Variants in PCSK6 observed in about 807,000 individuals in gnomAD.
PCSK6 encodes paired basic amino acid cleaving enzyme 4.
In PCSK6, 85 loss-of-function variants were observed where a neutral mutation model predicts 123.3. The observed-to-expected ratio is 0.69, with a 90% confidence interval of 0.58 to 0.83. The LOEUF (loss-of-function observed/expected upper bound fraction) is 0.83, where lower values mean the gene tolerates loss of function less well. PCSK6 is among the 40% of genes least tolerant of loss of function. The probability of loss-of-function intolerance (pLI) is 0.00; values close to 1 mark genes in which losing one functional copy is unlikely to be tolerated. For synonymous variants in PCSK6, 508 were observed against 516.0 expected (o/e 0.98, Z 0.21); for missense variants, 1,191 against 1,282.3 (o/e 0.93, Z 1.09).
At chr15:101,481,958 C>G (rs1168240741) in intron 1 of PCSK6, among the ~76,000 whole-genome samples, 1 of 152,184 alleles carries the variant, frequency 6.6e-6, no homozygotes, top group Non-Finnish European at 1.5e-5. Flanking sequence ...CGAGACAGAG[C>G]CATGCTGGTG....
intron 6 of PCSK6, among the ~76,000 whole-genome samples, chr15:101,425,152 G>A (rs1012245479): frequency 3.3e-5 from 5 of 152,196 alleles, no homozygotes; most frequent in South Asian, 2.1e-4. Flanking sequence ...AGACAATTAC[G>A]TCTGCGGCGT....
chr15:101,445,654 A>G (rs2056869465), intron 1 of PCSK6, among the ~76,000 whole-genome samples: 2 of 152,342 alleles, frequency 1.3e-5, no homozygotes, highest in South Asian at 4.1e-4. Flanking sequence ...CCGAGTCTCA[A>G]CTTGCCGCAG....
chr15:101,441,381 G>A (rs2141146296), intron 2 of PCSK6, among the ~76,000 whole-genome samples: 1 of 152,166 alleles, frequency 6.6e-6, no homozygotes, highest in African/African-American at 2.4e-5. Flanking sequence ...TGTCTCTGCT[G>A]CCTCAGCCTG....
chr15:101,347,203 T>C, intron 13 of PCSK6: 2 of 1,231,770 alleles, frequency 1.6e-6, no homozygotes, highest in Non-Finnish European at 2.0e-6. Flanking sequence ...TGTCTTCCTT[T>C]CTAGCATCAA....
chr15:101,451,926 G>A (rs1227339131), intron 1 of PCSK6, among the ~76,000 whole-genome samples: 2 of 152,118 alleles, frequency 1.3e-5, no homozygotes, highest in African/African-American at 4.8e-5. Context: ...GGATTACCTG[G>A]TATTTATAAT....
At chr15:101,480,199 CCAA>C (rs2057838838) in intron 1 of PCSK6, among the ~76,000 whole-genome samples, 1 of 152,170 alleles carries the variant, frequency 6.6e-6, no homozygotes, top group South Asian at 2.1e-4. Flanking sequence ...ATGGATTTTC[CCAA>C]CAAGGACTCT....
chr15:101,361,448 CCACAGGCAT>C (rs1289413064), intron 13 of PCSK6, among the ~76,000 whole-genome samples: 1 of 152,090 alleles, frequency 6.6e-6, no homozygotes, highest in Non-Finnish European at 1.5e-5. Flanking sequence ...AGGACATCCA[CCACAGGCAT>C]TCAGATAAGA....
chr15:101,395,644 C>T (rs1439929308), intron 7 of PCSK6, among the ~76,000 whole-genome samples: 1 of 152,204 alleles, frequency 6.6e-6, no homozygotes, highest in Non-Finnish European at 1.5e-5. Context: ...AGCCATGGGA[C>T]AGAAGCTGTA....
chr15:101,384,180 G>T, intron 10 of PCSK6, 142 bp downstream of exon 10: 1 of 1,455,394 alleles, frequency 6.9e-7, no homozygotes, highest in Non-Finnish European at 9.1e-7. Context: ...TTAAATAGCT[G>T]CACATGCGTT....
intron 6 of PCSK6, 38 bp downstream of exon 6, chr15:101,427,854 A>AG (rs746739282): frequency 1.5e-4 from 222 of 1,493,330 alleles, no homozygotes; most frequent in Non-Finnish European, 2.0e-4. Context: ...CCCCTGCCCC[A>AG]GGCCCCTCGG....
chr15:101,366,016 C>T (rs899831665), intron 13 of PCSK6, 180 bp downstream of exon 13: 2 of 581,562 alleles, frequency 3.4e-6, no homozygotes, highest in Admixed American at 7.2e-5. Context: ...CGTGGATGTA[C>T]TAAAAGCCAC....
chr15:101,375,899 T>A (rs1167700877), intron 11 of PCSK6, among the ~76,000 whole-genome samples: 1 of 152,118 alleles, frequency 6.6e-6, no homozygotes, highest in Non-Finnish European at 1.5e-5. Context: ...CCAGGTGTGA[T>A]GGCATGTGCC....
intron 13 of PCSK6, among the ~76,000 whole-genome samples, chr15:101,359,012 C>T (rs1345485650): frequency 6.6e-6 from 1 of 152,176 alleles, no homozygotes; most frequent in Non-Finnish European, 1.5e-5. Context: ...GGGGAGGATG[C>T]ACAGAGCCTG....
intron 6 of PCSK6, among the ~76,000 whole-genome samples, chr15:101,414,721 G>A (rs1016981467): frequency 3.3e-5 from 5 of 152,126 alleles, no homozygotes; most frequent in Admixed American, 1.3e-4. Flanking sequence ...GCAAAAGGCA[G>A]GTAAAGACAG....
intron 9 of PCSK6, among the ~76,000 whole-genome samples, chr15:101,388,260 A>T (rs994698318): frequency 2.6e-5 from 4 of 152,256 alleles, no homozygotes; most frequent in African/African-American, 9.6e-5. Context: ...CCTTTGTTAC[A>T]TTGGTAGCAT....
intron 6 of PCSK6, among the ~76,000 whole-genome samples, chr15:101,425,333 C>T (rs998644554): frequency 3.9e-5 from 6 of 152,256 alleles, no homozygotes; most frequent in Admixed American, 2.0e-4. Flanking sequence ...GCAGCCAACC[C>T]GCTTCCTCCT....
chr15:101,489,272 C>T, intron 1 of PCSK6, 102 bp downstream of exon 1: 1 of 776,598 alleles, frequency 1.3e-6, no homozygotes, highest in Non-Finnish European at 1.6e-6. Flanking sequence ...CCCACGCGCG[C>T]GCGGGGCCGG....
chr15:101,370,260 A>G, intron 12 of PCSK6, 75 bp downstream of exon 12: 1 of 1,297,362 alleles, frequency 7.7e-7, no homozygotes, highest in Non-Finnish European at 1.0e-6. Context: ...TGTGGGCCCA[A>G]GACTGGACAG....
intron 1 of PCSK6, among the ~76,000 whole-genome samples, chr15:101,450,694 G>A (rs1052134854): frequency 3.3e-5 from 5 of 152,266 alleles, no homozygotes; most frequent in East Asian, 1.9e-4. Context: ...GTGAGGCCCC[G>A]CATCCAGAGG....
Sources: gnomAD v4.1 joint callset for allele counts (sites outside exome capture counted in the v4.1 genomes callset) on GRCh38, gnomAD v4.1.1 for gene constraint, MANE v1.5 for transcripts, NCBI Gene and HGNC (gene_info 2026-07-23, HGNC 2026-07-21) for gene names.